Variants in MTHFD1 observed in about 807,000 individuals in gnomAD.
MTHFD1 encodes the protein C-1-tetrahydrofolate synthase, cytoplasmic.
In MTHFD1, 44 loss-of-function variants were observed where a neutral mutation model predicts 110.3. The ratio of observed to expected loss-of-function variants is 0.40; its 90% CI spans 0.31 to 0.51. MTHFD1 has a LOEUF of 0.51. Ranked by LOEUF, MTHFD1 falls within the 20% of genes least tolerant of loss-of-function variation. The probability of loss-of-function intolerance (pLI) is 0.60; values close to 1 mark genes in which losing one functional copy is unlikely to be tolerated. For missense variants in MTHFD1, 909 were observed against 1,173.1 expected (o/e 0.77, Z 3.29); for synonymous variants, 402 against 428.8 (o/e 0.94, Z 0.77).
At chr14:64,434,821 G>GTT (rs34280342) in intron 15 of MTHFD1, among the ~76,000 whole-genome samples, 189 of 128,956 alleles carry the variant, frequency 1.5e-3, no homozygotes, top group Middle Eastern at 9.1e-3. Flanking sequence ...GATGAATTCT[G>GTT]TTTTTTTTTT....
chr14:64,411,023 TG>T, intron 2 of MTHFD1, 66 bp from the exon 3 acceptor site: 1 of 1,116,242 alleles, frequency 9.0e-7, no homozygotes, highest in Non-Finnish European at 1.4e-6. Context: ...AAACTAAAAT[TG>T]TAGAAGCTTT....
chr14:64,443,150 T>A (rs2078261598), intron 21 of MTHFD1, among the ~76,000 whole-genome samples: 1 of 152,186 alleles, frequency 6.6e-6, no homozygotes, highest in South Asian at 2.1e-4. Flanking sequence ...AAAATCAAAT[T>A]TGTTTTGGTC....
intron 12 of MTHFD1, 118 bp from the exon 13 acceptor site, chr14:64,430,066 T>TA (rs1345600454): frequency 1.9e-5 from 18 of 938,864 alleles, no homozygotes; most frequent in East Asian, 7.3e-5. Flanking sequence ...CAAATGATTC[T>TA]AAAAAATAAA....
chr14:64,406,817 A>G (rs2077939560), intron 2 of MTHFD1, among the ~76,000 whole-genome samples: 1 of 152,142 alleles, frequency 6.6e-6, no homozygotes, highest in Non-Finnish European at 1.5e-5. Context: ...AGTGTCTACA[A>G]TAATTCAAAT....
intron 1 of MTHFD1, among the ~76,000 whole-genome samples, chr14:64,396,153 T>G (rs555315994): frequency 6.6e-6 from 1 of 152,176 alleles, no homozygotes; most frequent in African/African-American, 2.4e-5. Context: ...GTAAATATTC[T>G]TATGTAATAA....
At chr14:64,394,449 C>T (rs948880642) in intron 1 of MTHFD1, among the ~76,000 whole-genome samples, 3 of 152,094 alleles carry the variant, frequency 2.0e-5, no homozygotes, top group African/African-American at 7.2e-5. Flanking sequence ...TTGGGAAGCA[C>T]CCAAACAGAT....
chr14:64,458,238 A>C lies in MTHFD1; in HGVS notation c.2743A>C (p.Thr915Pro). ...GTMSTMPGLP[T>P]RPCFYDIDLD... ...GATGAGCACAATGCCTGGACTCCCC[A>C]CCCGGCCCTGTTTTTATGATATTGA... Residue 915 changes from threonine (T) to proline (P), a missense_variant, in exon 27 of 28, where the codon ACC becomes CCC. Thr to Pro is a conservative substitution (Grantham distance 38). Around this residue, in one of 3 missense-constraint regions of MTHFD1, gnomAD observed 482 missense variants for 646.0 expected, o/e 0.75. Coordinates refer to ENST00000652337, the MANE Select transcript of MTHFD1 (RefSeq NM_005956.4). 3.1e-6 allele frequency: 5 copies of C among 1,613,014 alleles called. No individual in the cohort carries two copies. The highest frequency in any genetic ancestry group is 4.2e-6 in the Non-Finnish European group (5 of 1,179,266).
chr14:64,457,233 C>A (rs1040859967), intron 26 of MTHFD1, among the ~76,000 whole-genome samples: 1 of 152,178 alleles, frequency 6.6e-6, no homozygotes, highest in African/African-American at 2.4e-5. Context: ...GCTAGCAAGA[C>A]TGAACGAAAC....
At chr14:64,432,761 T>C (rs2078169990) in intron 15 of MTHFD1, among the ~76,000 whole-genome samples, 3 of 152,212 alleles carry the variant, frequency 2.0e-5, no homozygotes, top group Admixed American at 2.0e-4. Context: ...TTTTGTTTTT[T>C]GTTTTCTTTT....
chr14:64,440,810 T>A (rs188811320), intron 18 of MTHFD1: 41 of 225,638 alleles, frequency 1.8e-4, no homozygotes, highest in Admixed American at 1.7e-3. Flanking sequence ...ATTTCTCACA[T>A]CAGTCAGCAG....
intron 3 of MTHFD1, among the ~76,000 whole-genome samples, chr14:64,412,094 C>T (rs780689379): frequency 9.2e-5 from 14 of 152,044 alleles, no homozygotes; most frequent in Non-Finnish European, 1.5e-4. Context: ...CAGCTCACTA[C>T]GAATTTCTTT....
intron 16 of MTHFD1, among the ~76,000 whole-genome samples, chr14:64,438,659 T>G (rs2078224826): frequency 6.6e-6 from 1 of 152,218 alleles, no homozygotes; most frequent in South Asian, 2.1e-4. Flanking sequence ...GCACCCAGCG[T>G]GTTTCAAAAG....
chr14:64,393,153 A>C (rs1375431682), intron 1 of MTHFD1, among the ~76,000 whole-genome samples: 15 of 152,090 alleles, frequency 9.9e-5, no homozygotes, highest in Admixed American at 9.8e-4. Flanking sequence ...TAATCCTAGG[A>C]CTTTGGGAGG....
chr14:64,444,789 G>A (rs2078277580), intron 22 of MTHFD1, 55 bp downstream of exon 22: 1 of 1,588,568 alleles, frequency 6.3e-7, no homozygotes, highest in Non-Finnish European at 8.6e-7. Flanking sequence ...CCTTGAATCA[G>A]CATTTCTCCA....
intron 15 of MTHFD1, among the ~76,000 whole-genome samples, chr14:64,434,957 T>TC (rs2078193545): frequency 2.4e-5 from 3 of 123,262 alleles, no homozygotes; most frequent in Admixed American, 2.4e-4. Context: ...TTCTTTTTTT[T>TC]TTTTTTTTTT....
chr14:64,422,971 G>A (rs2078086436), intron 8 of MTHFD1: 1 of 152,136 alleles, frequency 6.6e-6, no homozygotes, highest in South Asian at 2.1e-4. Context: ...AAAGATATGT[G>A]TCTCTTACCT....
chr14:64,428,704 C>T (rs1208833930), intron 12 of MTHFD1, among the ~76,000 whole-genome samples: 1 of 150,164 alleles, frequency 6.7e-6, no homozygotes, highest in Non-Finnish European at 1.5e-5. Flanking sequence ...CAGGTGCGTG[C>T]CACCATGCCT....
At chr14:64,399,118 ATG>A (rs1296163331) in intron 1 of MTHFD1, among the ~76,000 whole-genome samples, 4 of 152,220 alleles carry the variant, frequency 2.6e-5, no homozygotes, top group African/African-American at 9.6e-5. Context: ...ATTCAACCTT[ATG>A]TGGATACGCT....
intron 8 of MTHFD1, among the ~76,000 whole-genome samples, chr14:64,422,344 G>A (rs974121458): frequency 6.6e-6 from 1 of 152,004 alleles, no homozygotes; most frequent in African/African-American, 2.4e-5. Flanking sequence ...GCTACTTCTT[G>A]GTTCATATTT....
Sources: allele counts gnomAD v4.1 joint callset (sites outside exome capture counted in the v4.1 genomes callset), GRCh38; gene constraint gnomAD v4.1.1; regional missense constraint gnomAD v4.1.1; transcripts MANE v1.5; gene names NCBI Gene and HGNC (gene_info 2026-07-23, HGNC 2026-07-21).